The following LRRN4 variants were observed in gnomAD, a reference collection of about 807,000 sequenced individuals.
LRRN4 encodes the protein leucine rich repeat neuronal 4.
A neutral mutation model predicts 22.3 loss-of-function variants in LRRN4; 26 were observed. The observed-to-expected ratio is 1.16, with a 90% CI of 0.85 to 1.62. The LOEUF (loss-of-function observed/expected upper bound fraction) is 1.62. Ranked by LOEUF, LRRN4 falls within the 40% of genes most tolerant of loss-of-function variation. The pLI is 0.00. For synonymous variants in LRRN4, 496 were observed against 486.2 expected, an observed-to-expected ratio of 1.02 and a Z score of -0.26; for missense variants, 1,070 against 1,008.5, an observed-to-expected ratio of 1.06 and a Z score of -0.83.
At position 6,052,763 on chromosome 20, in the gene LRRN4, G is replaced by A. The variant is rs750974724; in HGVS notation, c.37C>T (p.Leu13=). 50 of 1,574,848 alleles carry A rather than the reference G, an allele frequency of 3.2e-5. No homozygotes were observed. Among genetic ancestry groups the A allele is most frequent in the Non-Finnish European group, 4.1e-5 (48 of 1,168,152 alleles). Residue 13 remains leucine, a synonymous_variant, in exon 2 of 5, where the codon CTG becomes TTG. Coordinates refer to ENST00000378858, the MANE Select transcript of LRRN4 (RefSeq NM_152611.5). ...QTLPLLLLTV[L]RPSWADPPQE... ...GGAGGGTCTGCCCAGCTGGGGCGCA[G>A]CACCGTCAGCAGCAGCAGCGGTAGG...
At chr20:6,047,489 G>T (rs1981133287) in intron 3 of LRRN4, among the ~76,000 whole-genome samples, 1 of 149,900 alleles carries the variant, frequency 6.7e-6, no homozygotes, top group African/African-American at 2.5e-5. Context: ...CCACTCTTCT[G>T]GTAAGAGTGG....
At chr20:6,051,299 G>A (rs949411324) in intron 2 of LRRN4, among the ~76,000 whole-genome samples, 1 of 152,222 alleles carries the variant, frequency 6.6e-6, no homozygotes, top group Non-Finnish European at 1.5e-5. Flanking sequence ...GTCTGTTGCT[G>A]CTCCACCTTC....
chr20:6,046,964 T>A (rs1460535881), intron 3 of LRRN4, among the ~76,000 whole-genome samples: 1 of 152,090 alleles, frequency 6.6e-6, no homozygotes, highest in Non-Finnish European at 1.5e-5. Context: ...GGAAGAGGAT[T>A]ATATTTTTTT....
Position 6,052,378 on chromosome 20 carries a change from G to T in LRRN4, c.422C>A (p.Thr141Asn), listed in dbSNP as rs758224248. Residue 141 changes from threonine (T) to asparagine (N), a missense_variant, in exon 2 of 5, where the codon ACC (threonine) becomes AAC (asparagine). Thr to Asn is a moderately conservative substitution (Grantham distance 65, BLOSUM62 0). Transcript: ENST00000378858. ...YNQLAALPPC[T>N]GPALSSLRAL... is the part of the protein sequence containing the mutation. ...GCGGAGGCTGCTCAGCGCGGGCCCG[G>T]TGCACGGCGGCAGAGCGGCCAGCTG... is the stretch of plus-strand genomic sequence containing the variant. The T allele has an allele frequency of 5.3e-6, 8 of 1,523,228 alleles. No homozygotes were observed. The African/African-American group carries it at 1.0e-4, about 19-fold the overall frequency. 94.4% of individuals were successfully genotyped at this position (1,523,228 alleles called of 1,614,324 possible).
rs1243011371 is a variant in LRRN4 at position 6,044,569 on chromosome 20, C to T, written c.972G>A (p.Thr324=). 6.3e-6 allele frequency: 10 copies of T among 1,586,272 alleles called. No homozygotes were observed. Among genetic ancestry groups the T allele is most frequent in the African/African-American group, 1.3e-5 (1 of 74,268 alleles). ...TCSCDLSWLL[T]DAKRTVLSRA... ...TGCTTAGGACAGTTCTCTTTGCATC[C>T]GTGAGGAGCCAAGACAAGTCACAAC... is the stretch of plus-strand genomic sequence containing the variant. The change falls in exon 4 of 5, where the codon ACG becomes ACA. Residue 324 remains threonine, a synonymous_variant. Coordinates refer to ENST00000378858, the MANE Select transcript of LRRN4 (RefSeq NM_152611.5).
At chr20:6,052,842 G>A in intron 1 of LRRN4, 38 bp from the exon 2 acceptor site, 2 of 1,511,874 alleles carry the variant, frequency 1.3e-6, no homozygotes, top group Non-Finnish European at 1.8e-6. Flanking sequence ...CAAATCCACA[G>A]GAACCCCCGC....
Position 6,041,581 on chromosome 20 carries a change from AG to A in LRRN4, c.1663del (p.Leu555CysfsTer34). 5 of 1,563,114 alleles carry A rather than the reference AG, an allele frequency of 3.2e-6. No homozygotes were observed. Among genetic ancestry groups the A allele is most frequent in the Non-Finnish European group, 4.3e-6 (5 of 1,152,370 alleles). On this transcript the variant is annotated frameshift_variant, in exon 5 of 5. Coordinates refer to ENST00000378858, the MANE Select transcript of LRRN4 (RefSeq NM_152611.5). LOFTEE classifies it low-confidence loss of function (END_TRUNC). The surrounding 1 kb of genome is among the most constrained non-coding windows in gnomAD (Gnocchi z 9.4). ...VPCDYHPCKH[L>X]QTPCAELQRR... ...CTGCAGCTCCGCGCACGGGGTCTGCAGGTGCTTGCAGGGATGGTAATCACAG... is the reference window on the plus strand; with the variant it reads ...CTGCAGCTCCGCGCACGGGGTCTGCAGTGCTTGCAGGGATGGTAATCACAG...
chr20:6,044,388 C>G (rs909963486), intron 4 of LRRN4, among the ~76,000 whole-genome samples, 155 bp downstream of exon 4: 2 of 152,228 alleles, frequency 1.3e-5, no homozygotes, highest in African/African-American at 4.8e-5. Context: ...GCTTCCATCA[C>G]CTGGATCCCT....
At position 6,050,760 on chromosome 20, in the gene LRRN4, G is replaced by A. The variant is rs781244984; in HGVS notation, c.860+19C>T. The A allele has an allele frequency of 1.2e-6, 2 of 1,608,270 alleles. No individual in the cohort carries two copies. The highest frequency in any genetic ancestry group is 2.2e-5 in the East Asian group (1 of 44,850). On this transcript the variant is annotated intron_variant, in intron 3 of 4. Coordinates refer to ENST00000378858, the MANE Select transcript of LRRN4 (RefSeq NM_152611.5). ...CAAAAATCAGTCATGTGATGAAGAT[G>A]TGCCTCAGAAGCACTTACTTCTGGA...
At chr20:6,043,838 G>T (rs1229279201) in intron 4 of LRRN4, among the ~76,000 whole-genome samples, 1 of 151,808 alleles carries the variant, frequency 6.6e-6, no homozygotes, top group Non-Finnish European at 1.5e-5. Context: ...AGCCCAGGAG[G>T]TTGAGGCTGT....
chr20:6,052,882 A>C, intron 1 of LRRN4, 78 bp from the exon 2 acceptor site: 2 of 1,380,056 alleles, frequency 1.4e-6, no homozygotes, highest in African/African-American at 1.4e-5. Flanking sequence ...TCCCAACCCT[A>C]CCTCCAGGGC....
At chr20:6,044,192 A>C (rs1981045809) in intron 4 of LRRN4, among the ~76,000 whole-genome samples, 2 of 152,236 alleles carry the variant, frequency 1.3e-5, no homozygotes, top group South Asian at 4.1e-4. Context: ...TCCATCTTGA[A>C]GATTCAGTAG....
chr20:6,046,668 T>C (rs1600406112), intron 3 of LRRN4, among the ~76,000 whole-genome samples: 1 of 148,952 alleles, frequency 6.7e-6, no homozygotes. Context: ...CTGGAGAAGA[T>C]GCTGTTGTTC....
chr20:6,050,339 G>T (rs1414205628), intron 3 of LRRN4, among the ~76,000 whole-genome samples: 2 of 152,154 alleles, frequency 1.3e-5, no homozygotes, highest in Admixed American at 1.3e-4. Context: ...GGACTAACAG[G>T]GCCTGCCCAT....
chr20:6,053,088 G>A (rs1981306551), intron 1 of LRRN4, among the ~76,000 whole-genome samples: 1 of 152,042 alleles, frequency 6.6e-6, no homozygotes, highest in East Asian at 1.9e-4. Context: ...TTCTTCATCT[G>A]TCCAATCTGG....
Position 6,052,452 on chromosome 20 carries a change from C to G in LRRN4, c.348G>C (p.Trp116Cys). The G allele has an allele frequency of 1.3e-6, 2 of 1,556,186 alleles. No homozygotes were observed. The highest frequency in any genetic ancestry group is 1.7e-6 in the Non-Finnish European group (2 of 1,159,860). The change falls in exon 2 of 5, where the codon TGG becomes TGC. Residue 116 changes from tryptophan (W) to cysteine (C), a missense_variant. Coordinates refer to ENST00000378858, the MANE Select transcript of LRRN4 (RefSeq NM_152611.5). ...LRHNRIAALR[W>C]GPGGPAGLHT... Reference sequence around the variant, plus strand: ...GCAGCCCCGCCGGCCCACCCGGGCCCCAGCGCAGCGCGGCGATGCGGTTGT... The same window carrying G: ...GCAGCCCCGCCGGCCCACCCGGGCCGCAGCGCAGCGCGGCGATGCGGTTGT...
rs1980952097 is a variant in LRRN4 at position 6,041,602 on chromosome 20, T to A, written c.1643A>T (p.Asp548Val). 1 of 1,573,796 alleles carries A rather than the reference T, an allele frequency of 6.4e-7. No individual in the cohort carries two copies. The change falls in exon 5 of 5, where the codon GAT becomes GTT. Residue 548 changes from aspartate (D) to valine (V), a missense_variant. Transcript: ENST00000378858. The surrounding 1 kb of genome is among the most constrained non-coding windows in gnomAD (Gnocchi z 9.4). ...CTGCAGGTGCTTGCAGGGATGGTAA[T>A]CACAGGGGACGTCCTGGTGAGGCGT... Reference protein sequence around the residue: ...VGTPHQDVPCDYHPCKHLQTP... With the variant: ...VGTPHQDVPCVYHPCKHLQTP...
rs756150142 is a variant in LRRN4 at position 6,041,349 on chromosome 20, C to T, written c.1896G>A (p.Thr632=). ...NQSVVGVIYA[T]ARQHPLYGLS... Reference sequence around the variant, plus strand: ...GCCCGTACAGAGGGTGCTGCCGGGCCGTGGCGTAGATGACCCCCACCACCG... The same window carrying T: ...GCCCGTACAGAGGGTGCTGCCGGGCTGTGGCGTAGATGACCCCCACCACCG... Residue 632 remains threonine, a synonymous_variant, in exon 5 of 5, where the codon ACG becomes ACA. Coordinates refer to ENST00000378858, the MANE Select transcript of LRRN4 (RefSeq NM_152611.5). The surrounding 1 kb of genome is among the most constrained non-coding windows in gnomAD (Gnocchi z 9.4). The T allele has an allele frequency of 8.2e-5, 131 of 1,596,900 alleles. No homozygotes were observed. Among genetic ancestry groups the T allele is most frequent in the Non-Finnish European group, 9.8e-5 (115 of 1,174,682 alleles).
At position 6,041,643 on chromosome 20, in the gene LRRN4, C is replaced by T; in HGVS notation, c.1602G>A (p.Arg534=). The T allele has an allele frequency of 6.2e-7, 1 of 1,604,450 alleles. No individual in the cohort carries two copies. Among genetic ancestry groups the T allele is most frequent in the Admixed American group, 1.7e-5 (1 of 59,508 alleles). ...LDDYSEEEEG[R]KEEVGTPHQD... ...GGTGAGGCGTTCCCACCTCCTCCTTCCTCCCTTCCTCCTCCTCACTGTAGT... is the reference window on the plus strand; with the variant it reads ...GGTGAGGCGTTCCCACCTCCTCCTTTCTCCCTTCCTCCTCCTCACTGTAGT... The change falls in exon 5 of 5, where the codon AGG becomes AGA. Residue 534 remains arginine, a synonymous_variant. Coordinates refer to ENST00000378858, the MANE Select transcript of LRRN4 (RefSeq NM_152611.5). This position sits in a 1 kb window ranked among gnomAD's most constrained non-coding sequence, Gnocchi z 9.4.
Sources: allele counts gnomAD v4.1 joint callset (sites outside exome capture counted in the v4.1 genomes callset), GRCh38; gene constraint gnomAD v4.1.1; non-coding constraint Gnocchi (gnomAD v3.1); transcripts MANE v1.5; gene names NCBI Gene and HGNC (gene_info 2026-07-23, HGNC 2026-07-21).